The following MORC1 variants were observed in gnomAD, a reference collection of about 807,000 sequenced individuals.
The protein encoded by MORC1 is MORC family CW-type zinc finger protein 1.
In MORC1, 59 loss-of-function variants were observed where a neutral mutation model predicts 134.9. The ratio of observed to expected loss-of-function variants is 0.44; its 90% CI spans 0.35 to 0.54. The LOEUF (loss-of-function observed/expected upper bound fraction) is 0.54. MORC1 is among the 20% of genes least tolerant of loss of function. MORC1 has a pLI of 0.00. For synonymous variants in MORC1, 395 were observed against 391.7 expected (o/e 1.01, Z -0.10); for missense variants, 947 against 1,134.5 (o/e 0.83, Z 2.37).
intron 8 of MORC1, among the ~76,000 whole-genome samples, chr3:109,085,458 T>C (rs1478283656): frequency 1.3e-5 from 2 of 152,068 alleles, no homozygotes; most frequent in African/African-American, 2.4e-5. Context: ...AAGACCCGAA[T>C]AGACATTTCT....
chr3:108,960,060 A>T (rs192018502), intron 27 of MORC1, among the ~76,000 whole-genome samples: 21 of 152,276 alleles, frequency 1.4e-4, no homozygotes, highest in Admixed American at 1.3e-3. Context: ...AAAAGAGAGA[A>T]ATCAGCAGTT....
intron 27 of MORC1, among the ~76,000 whole-genome samples, chr3:108,961,013 C>T (rs1009598036): frequency 1.3e-5 from 2 of 152,090 alleles, no homozygotes; most frequent in African/African-American, 4.8e-5. Flanking sequence ...ACTTTTAATC[C>T]CGTTTTTCCA....
chr3:109,074,622 C>T (rs1478975630), intron 8 of MORC1, among the ~76,000 whole-genome samples: 2 of 152,190 alleles, frequency 1.3e-5, no homozygotes, highest in African/African-American at 2.4e-5. Context: ...GAACTGACAT[C>T]GAGAGTCTAA....
intron 5 of MORC1, 111 bp from the exon 6 acceptor site, chr3:109,099,577 G>A (rs895996504): frequency 2.5e-5 from 19 of 759,004 alleles, no homozygotes; most frequent in Non-Finnish European, 2.7e-5. Flanking sequence ...CCAACACTCT[G>A]TTCTGCTGAC....
At chr3:109,111,593 C>T (rs1951170582) in intron 2 of MORC1, among the ~76,000 whole-genome samples, 1 of 151,992 alleles carries the variant, frequency 6.6e-6, no homozygotes, top group Non-Finnish European at 1.5e-5. Flanking sequence ...GAAGAAAAGG[C>T]CAGAAGACTC....
At chr3:108,966,938 A>T (rs959527609) in intron 26 of MORC1, among the ~76,000 whole-genome samples, 3 of 152,202 alleles carry the variant, frequency 2.0e-5, no homozygotes, top group African/African-American at 7.2e-5. Flanking sequence ...TGCTATTATG[A>T]ATCATCTACT....
At chr3:109,091,211 G>C (rs887592180) in intron 8 of MORC1, among the ~76,000 whole-genome samples, 9 of 151,850 alleles carry the variant, frequency 5.9e-5, no homozygotes, top group Non-Finnish European at 1.2e-4. Flanking sequence ...TGGCAGGCTG[G>C]GGGAGTAGAT....
chr3:108,981,132 C>T (rs1328231361), intron 23 of MORC1, among the ~76,000 whole-genome samples: 2 of 152,014 alleles, frequency 1.3e-5, no homozygotes, highest in African/African-American at 2.4e-5. Context: ...GGCAGTACGA[C>T]ATGGGAAATG....
chr3:109,032,734 G>A lies in MORC1; in HGVS notation c.1551C>T (p.Asn517=). 6.3e-7 allele frequency: 1 copy of A among 1,592,664 alleles called. No homozygotes were observed. The highest frequency in any genetic ancestry group is 8.6e-7 in the Non-Finnish European group (1 of 1,165,916). The change falls in exon 16 of 28, where the codon AAC becomes AAT. Residue 517 remains asparagine (N), a synonymous_variant. Coordinates refer to ENST00000232603, the MANE Select transcript of MORC1 (RefSeq NM_014429.4). The part of the protein sequence containing the change: ...FDIWICANNP[N]RLENSCHQVE... The stretch of plus-strand genomic sequence containing the variant: ...ATCAAAAATACCTGTTTTCCAAGCG[G>A]TTGGGATTATTAGCACAAATCCAAA...
At chr3:109,000,470 TCC>T (rs752776090) in intron 21 of MORC1, 85 bp downstream of exon 21, 15 of 998,586 alleles carry the variant, frequency 1.5e-5, no homozygotes, top group Non-Finnish European at 2.2e-5. Flanking sequence ...ACTAAATGTT[TCC>T]ACTACTTTGA....
intron 7 of MORC1, among the ~76,000 whole-genome samples, chr3:109,093,846 G>T (rs1950776374): frequency 6.6e-6 from 1 of 152,148 alleles, no homozygotes; most frequent in African/African-American, 2.4e-5. Flanking sequence ...TATGAAATTT[G>T]TTAAGAGCCT....
At chr3:108,959,167 C>T (rs1209423914) in intron 27 of MORC1, 47 bp from the exon 28 acceptor site, 15 of 1,491,240 alleles carry the variant, frequency 1.0e-5, no homozygotes, top group African/African-American at 2.9e-5. Context: ...AGCTGCAGAG[C>T]TTATTCCTGT....
chr3:109,026,951 A>G (rs554907729), intron 17 of MORC1, among the ~76,000 whole-genome samples: 2 of 152,320 alleles, frequency 1.3e-5, no homozygotes, highest in South Asian at 2.1e-4. Context: ...TAAGTGAGGT[A>G]AAAGAGTAAT....
chr3:108,964,667 CA>C (rs529028185), intron 26 of MORC1, among the ~76,000 whole-genome samples: 8 of 152,192 alleles, frequency 5.3e-5, no homozygotes, highest in Non-Finnish European at 1.2e-4. Flanking sequence ...GAAAGCACTG[CA>C]TTTAATTATA....
At chr3:109,032,950 C>T (rs776769833) in intron 15 of MORC1, 125 bp from the exon 16 acceptor site, 2 of 692,570 alleles carry the variant, frequency 2.9e-6, no homozygotes, top group Non-Finnish European at 5.1e-6. Flanking sequence ...AATCCTTCAT[C>T]ATATACCATT....
chr3:109,112,148 G>A (rs555419231), intron 2 of MORC1, among the ~76,000 whole-genome samples: 3 of 152,110 alleles, frequency 2.0e-5, no homozygotes, highest in Middle Eastern at 6.8e-3. Context: ...GCACTTCCAC[G>A]GATTAAGGCA....
intron 11 of MORC1, 73 bp from the exon 12 acceptor site, chr3:109,059,943 T>C (rs148066284): frequency 2.1e-5 from 27 of 1,290,300 alleles, no homozygotes; most frequent in Non-Finnish European, 2.5e-5. Context: ...TATTATCCTA[T>C]TATCCAAATG....
At chr3:109,066,669 T>C (rs1211751060) in intron 9 of MORC1, among the ~76,000 whole-genome samples, 4 of 152,244 alleles carry the variant, frequency 2.6e-5, no homozygotes, top group Non-Finnish European at 1.5e-5. Flanking sequence ...ATCCACTTGC[T>C]CTTACGCATT....
At chr3:109,012,925 C>T (rs1397844903) in intron 17 of MORC1, among the ~76,000 whole-genome samples, 1 of 152,116 alleles carries the variant, frequency 6.6e-6, no homozygotes, top group Non-Finnish European at 1.5e-5. Context: ...CATCTAGAAC[C>T]TCTTGTACAA....
Sources: gnomAD v4.1 joint callset for allele counts (sites outside exome capture counted in the v4.1 genomes callset) on GRCh38, gnomAD v4.1.1 for gene constraint, MANE v1.5 for transcripts, NCBI Gene and HGNC (gene_info 2026-07-23, HGNC 2026-07-21) for gene names.